HADHB: variants seen among roughly 807,000 people sequenced by gnomAD.
The protein encoded by HADHB is trifunctional enzyme subunit beta, mitochondrial.
In HADHB, 50 loss-of-function variants were observed where a neutral mutation model predicts 61.9. The ratio of observed to expected loss-of-function variants is 0.81; its 90% confidence interval spans 0.64 to 1.02. The LOEUF is 1.02. Among genes scored for constraint, HADHB ranks in the 50% least tolerant of loss-of-function variants. The pLI is 0.00. For missense variants in HADHB, 504 were observed against 586.5 expected (o/e 0.86, Z 1.45); for synonymous variants, 191 against 201.6 (o/e 0.95, Z 0.45).
intron 3 of HADHB, among the ~76,000 whole-genome samples, chr2:26,258,583 C>T (rs953780047): frequency 5.9e-5 from 9 of 152,194 alleles, no homozygotes; most frequent in African/African-American, 1.7e-4. Context: ...GCGACAGTGG[C>T]GAACAGCGGG....
intron 1 of HADHB, 67 bp from the exon 2 acceptor site, chr2:26,254,180 T>C (rs1671517879): frequency 3.7e-6 from 3 of 803,924 alleles, no homozygotes; most frequent in Middle Eastern, 3.5e-4. Flanking sequence ...TCAGAGTTCA[T>C]AGACTACAAT....
In HADHB at chr2:26,284,981, G is replaced by A. The variant is rs767391111; in HGVS notation, c.1224+24G>A. On this transcript the variant is annotated intron_variant, in intron 14 of 15. Transcript: ENST00000317799. ...AGGTGAGTTTCTAATTTTAAAAAAT[G>A]CGTGAATTTTCAAAGCACGTTAATA... is the stretch of plus-strand genomic sequence containing the variant. The A allele has an allele frequency of 8.4e-6, 10 of 1,193,566 alleles. No homozygotes were observed. The African/African-American group carries it at 1.3e-4, about 16-fold the overall frequency. The allele number at this position is 1,193,566 out of a possible 1,614,324, so 73.9% of individuals were successfully genotyped here.
chr2:26,268,001 G>A (rs1672168701), intron 4 of HADHB, among the ~76,000 whole-genome samples: 1 of 152,058 alleles, frequency 6.6e-6, no homozygotes, highest in African/African-American at 2.4e-5. Flanking sequence ...AATTAGCTGG[G>A]TGTGGTAGCA....
At chr2:26,279,004 C>A in intron 8 of HADHB, 131 bp from the exon 9 acceptor site, 1 of 926,848 alleles carries the variant, frequency 1.1e-6, no homozygotes. Context: ...AGATCCTCTG[C>A]TTGTCTTGGA....
In HADHB at chr2:26,279,147, T is replaced by G; in HGVS notation, c.643T>G (p.Ser215Ala). 3 of 1,613,852 alleles carry G rather than the reference T, an allele frequency of 1.9e-6. No homozygotes were observed. The highest frequency in any genetic ancestry group is 2.5e-6 in the Non-Finnish European group (3 of 1,179,746). Reference sequence around the variant, plus strand: ...TCTCCTTTCCCAGCTCCCTGCGGTTTCTGAGTTCTCCACCAGTGAGACCAT... The same window carrying G: ...TCTCCTTTCCCAGCTCCCTGCGGTTGCTGAGTTCTCCACCAGTGAGACCAT... Reference protein sequence around the residue: ...NFLAPELPAVSEFSTSETMGH... With the variant: ...NFLAPELPAVAEFSTSETMGH... Residue 215 changes from serine to alanine, a missense_variant, in exon 9 of 16, where the codon TCT becomes GCT. Transcript: ENST00000317799.
intron 9 of HADHB, 47 bp downstream of exon 9, chr2:26,279,362 T>C: frequency 7.6e-7 from 1 of 1,320,434 alleles, no homozygotes; most frequent in East Asian, 2.3e-5. Context: ...TCTGAATTGC[T>C]CCTAAAACTC....
intron 1 of HADHB, among the ~76,000 whole-genome samples, chr2:26,252,510 A>C (rs983699802): frequency 8.5e-5 from 13 of 152,128 alleles, no homozygotes; most frequent in African/African-American, 3.1e-4. Flanking sequence ...TAACATCTTT[A>C]TTATACTTCC....
chr2:26,268,101 C>G (rs1002772050), intron 4 of HADHB, among the ~76,000 whole-genome samples: 1 of 152,044 alleles, frequency 6.6e-6, no homozygotes, highest in Non-Finnish European at 1.5e-5. Context: ...GTGATTGCAC[C>G]ACTGCATTCC....
intron 5 of HADHB, among the ~76,000 whole-genome samples, chr2:26,273,195 T>C (rs1048789300): frequency 6.6e-6 from 1 of 152,146 alleles, no homozygotes; most frequent in African/African-American, 2.4e-5. Context: ...ATATGTATTA[T>C]TTCAATCATT....
chr2:26,252,316 C>G (rs867277268), intron 1 of HADHB, among the ~76,000 whole-genome samples: 2 of 152,166 alleles, frequency 1.3e-5, no homozygotes, highest in Admixed American at 6.5e-5. Context: ...TGGGGGGCAA[C>G]TTGGAGGCTG....
At chr2:26,247,929 A>T (rs1470093950) in intron 1 of HADHB, among the ~76,000 whole-genome samples, 1 of 152,222 alleles carries the variant, frequency 6.6e-6, no homozygotes, top group Non-Finnish European at 1.5e-5. Context: ...TTTTAAATAA[A>T]ACTAGAATTA....
Position 26,278,638 on chromosome 2 carries a change from A to G in HADHB, c.467A>G (p.Gln156Arg), listed in dbSNP as rs1238381082. ...TTGVGLIASGQCDVIVAGGVE... is the reference protein window; with the variant it reads ...TTGVGLIASGRCDVIVAGGVE... The stretch of plus-strand genomic sequence containing the variant: ...GGTGTTGGCTTGATTGCTTCTGGCC[A>G]GTGTGATGTGATCGTGGCAGGTGGT... The change falls in exon 8 of 16, where the codon CAG becomes CGG. Residue 156 changes from glutamine to arginine, a missense_variant. By Grantham distance (43) the Gln-to-Arg change is conservative (BLOSUM62 1). Transcript: ENST00000317799. The G allele has an allele frequency of 1.2e-6, 2 of 1,614,018 alleles. No individual in the cohort carries two copies. Among genetic ancestry groups the G allele is most frequent in the Non-Finnish European group, 8.5e-7 (1 of 1,179,966 alleles).
chr2:26,273,032 G>C (rs1349089522), intron 5 of HADHB, among the ~76,000 whole-genome samples: 1 of 151,662 alleles, frequency 6.6e-6, no homozygotes, highest in East Asian at 1.9e-4. Flanking sequence ...GCAGTGAGCC[G>C]AGATTGTGCC....
rs1336311599 is a variant in HADHB at position 26,269,963 on chromosome 2, C to T, written c.220C>T (p.Leu74=). The T allele has an allele frequency of 1.9e-6, 3 of 1,607,512 alleles. No homozygotes were observed. Among genetic ancestry groups the T allele is most frequent in the Non-Finnish European group, 2.6e-6 (3 of 1,174,040 alleles). Residue 74 remains leucine, a synonymous_variant, in exon 5 of 16, where the codon CTG becomes TTG. Coordinates refer to ENST00000317799, the MANE Select transcript of HADHB (RefSeq NM_000183.3). ...GTTTTCGTTCCCCAGATATAAAGACCTGATGCCACATGATTTGGCTAGAGC... is the reference window on the plus strand; with the variant it reads ...GTTTTCGTTCCCCAGATATAAAGACTTGATGCCACATGATTTGGCTAGAGC... The part of the protein sequence containing the change: ...FLLSGTSYKD[L]MPHDLARAAL...
chr2:26,247,884 C>T (rs1671228287), intron 1 of HADHB, among the ~76,000 whole-genome samples: 2 of 151,906 alleles, frequency 1.3e-5, no homozygotes, highest in Non-Finnish European at 2.9e-5. Flanking sequence ...GGAACCAATC[C>T]CCCTTGGATA....
Position 26,271,004 on chromosome 2 carries a change from G to A in HADHB, c.254+1007G>A, listed in dbSNP as rs112253323. 5.9e-3 allele frequency among the ~76,000 whole-genome samples: 883 copies of A among 149,074 alleles called. 7 individuals carry two copies. The highest frequency in any genetic ancestry group is 0.02 in the African/African-American group (814 of 40,660). On this transcript the variant is annotated intron_variant, in intron 5 of 15. Coordinates refer to ENST00000317799, the MANE Select transcript of HADHB (RefSeq NM_000183.3). ...CGCCATTCTCCTGCCTCAGCCTCCC[G>A]AGTACCTGGGACTACAGGCGCCTGC...
At chr2:26,285,019 T>C in intron 14 of HADHB, 62 bp downstream of exon 14, 1 of 848,942 alleles carries the variant, frequency 1.2e-6, no homozygotes, top group Non-Finnish European at 2.1e-6. Flanking sequence ...TGGATCTTAG[T>C]TACCTGTTCT....
chr2:26,250,100 G>A (rs780589875), intron 1 of HADHB, among the ~76,000 whole-genome samples: 7 of 152,060 alleles, frequency 4.6e-5, no homozygotes, highest in Non-Finnish European at 8.8e-5. Context: ...TCCGCCTCCC[G>A]GGTTCAAGCG....
intron 3 of HADHB, among the ~76,000 whole-genome samples, chr2:26,259,073 C>T (rs186676767): frequency 1.2e-3 from 182 of 152,304 alleles, no homozygotes; most frequent in African/African-American, 4.2e-3. Flanking sequence ...GAAACCCTAG[C>T]TTGAAAATCC....
Sources: allele counts gnomAD v4.1 joint callset (sites outside exome capture counted in the v4.1 genomes callset), GRCh38; gene constraint gnomAD v4.1.1; transcripts MANE v1.5; gene names NCBI Gene and HGNC (gene_info 2026-07-23, HGNC 2026-07-21).